RASSF4: variants seen among roughly 807,000 people sequenced by gnomAD.
RASSF4 encodes the protein ras association domain-containing protein 4.
Under a neutral mutation model 41.1 loss-of-function variants are expected in RASSF4, and 38 were observed. The observed-to-expected ratio is 0.92, with a 90% confidence interval of 0.71 to 1.21. The LOEUF is 1.21. Ranked by LOEUF, RASSF4 falls within the 50% of genes most tolerant of loss-of-function variation. RASSF4 has a pLI of 0.00. For missense variants in RASSF4, 414 were observed against 419.4 expected (o/e 0.99, Z 0.11); for synonymous variants, 179 against 163.4 (o/e 1.10, Z -0.73).
intron 9 of RASSF4, chr10:44,991,397 C>G (rs546109683): frequency 7.6e-4 from 184 of 240,908 alleles, no homozygotes; most frequent in African/African-American, 3.0e-3. Flanking sequence ...GGCTTTTTAA[C>G]TAGGCCCTAC....
At chr10:44,992,833 G>T (rs531529985) in intron 10 of RASSF4, among the ~76,000 whole-genome samples, 52 of 152,330 alleles carry the variant, frequency 3.4e-4, no homozygotes, top group African/African-American at 1.2e-3. Flanking sequence ...CTTCCATTCT[G>T]CAGTCAGTCC....
intron 1 of RASSF4, among the ~76,000 whole-genome samples, chr10:44,966,553 T>TA (rs1441287489): frequency 5.9e-5 from 9 of 152,164 alleles, no homozygotes; most frequent in Non-Finnish European, 1.3e-4. Context: ...CTGCTTCCTT[T>TA]ATGGGTTTCT....
chr10:44,991,006 A>T lies in RASSF4; in HGVS notation c.744A>T (p.Pro248=). ...TGATTTCCAGAATCCTGCATGGGCC[A>T]TGTGAGAAGATCGCCAGGATCTTCC... ...YPLISRILHG[P]CEKIARIFLM... The change falls in exon 9 of 11, where the codon CCA becomes CCT. Residue 248 remains proline, a synonymous_variant. Coordinates refer to ENST00000340258, the MANE Select transcript of RASSF4 (RefSeq NM_032023.4). 2 of 1,613,848 alleles carry T rather than the reference A, an allele frequency of 1.2e-6. No homozygotes were observed. Among genetic ancestry groups the T allele is most frequent in the Non-Finnish European group, 8.5e-7 (1 of 1,179,760 alleles).
Position 44,984,934 on chromosome 10 carries a change from C to A in RASSF4, c.495C>A (p.His165Gln). The part of the protein sequence containing the change: ...APGEAQRIRR[H>Q]RFSINGHFYN... ...GTGAGGCCCAGCGCATCCGGCGACACCGGTTCTCTATCAACGGCCACTTCT... is the reference window on the plus strand; with the variant it reads ...GTGAGGCCCAGCGCATCCGGCGACAACGGTTCTCTATCAACGGCCACTTCT... The change falls in exon 6 of 11, where the codon CAC becomes CAA. Residue 165 changes from histidine (H) to glutamine (Q), a missense_variant. By Grantham distance (24) the His-to-Gln change is conservative (BLOSUM62 0). Coordinates refer to ENST00000340258, the MANE Select transcript of RASSF4 (RefSeq NM_032023.4). 3 of 1,613,302 alleles carry A rather than the reference C, an allele frequency of 1.9e-6. No homozygotes were observed. The highest frequency in any genetic ancestry group is 2.2e-5 in the South Asian group (2 of 91,082).
At chr10:44,990,791 C>A in intron 8 of RASSF4, 157 bp from the exon 9 acceptor site, 1 of 635,300 alleles carries the variant, frequency 1.6e-6, no homozygotes, top group Non-Finnish European at 2.6e-6. Context: ...CTCCCTTCTG[C>A]ATGAGCAGGA....
At chr10:44,977,475 C>G in intron 3 of RASSF4, 1 of 1,612,782 alleles carries the variant, frequency 6.2e-7, no homozygotes, top group South Asian at 1.1e-5. Flanking sequence ...GAGGCCATGG[C>G]TTGGGCAGAC....
chr10:44,970,282 G>A lies in RASSF4; in HGVS notation c.62+18G>A. 1 of 1,610,182 alleles carries A rather than the reference G, an allele frequency of 6.2e-7. No homozygotes were observed. The highest frequency in any genetic ancestry group is 1.1e-5 in the South Asian group (1 of 90,998). ...ATTCAGAAGTAAGCCTTGGTGTGCA[G>A]GTTGGGCGGGGGAGTCTTCACATTT... On this transcript the variant is annotated intron_variant, in intron 2 of 10. Transcript: ENST00000340258.
intron 10 of RASSF4, among the ~76,000 whole-genome samples, chr10:44,992,222 C>T (rs1842140889): frequency 6.6e-6 from 1 of 152,238 alleles, no homozygotes; most frequent in African/African-American, 2.4e-5. Context: ...TGGGACACAG[C>T]CCCGATCACC....
intron 3 of RASSF4, chr10:44,982,181 A>G: frequency 5.9e-6 from 2 of 340,970 alleles, no homozygotes; most frequent in Non-Finnish European, 1.1e-5. Context: ...CCTGCTTGGC[A>G]TGAGCAGACA....
chr10:44,961,063 G>A (rs1840690218), intron 1 of RASSF4, among the ~76,000 whole-genome samples: 1 of 152,198 alleles, frequency 6.6e-6, no homozygotes, highest in Non-Finnish European at 1.5e-5. Context: ...GGGAAGAGGA[G>A]AGATGAAACT....
Position 44,970,432 on chromosome 10 carries a change from C to G in RASSF4, c.62+168C>G, listed in dbSNP as rs1410181476. The G allele has an allele frequency of 6.6e-6, 4 of 606,074 alleles. No homozygotes were observed. In the African/African-American group the frequency reaches 7.4e-5, roughly 11 times the overall value. 37.5% of individuals were successfully genotyped at this position (606,074 alleles called of 1,614,324 possible). A position where few individuals can be genotyped will look rare whatever the true frequency, so the allele number is the denominator to read the frequency against. The stretch of plus-strand genomic sequence containing the variant: ...TTTTTGAGCCTGTCCAATAGGGGAT[C>G]CCCAAGCTACACATGACCATGGCTG... On this transcript the variant is annotated intron_variant, in intron 2 of 10. Transcript: ENST00000340258.
At chr10:44,963,578 C>T (rs1840790999) in intron 1 of RASSF4, among the ~76,000 whole-genome samples, 1 of 152,206 alleles carries the variant, frequency 6.6e-6, no homozygotes, top group South Asian at 2.1e-4. Context: ...TGGCCTGCAC[C>T]TGCTCTGTGG....
rs561684738 is a variant in RASSF4, at chr10:44,993,401, G to T, written c.*72G>T. The stretch of plus-strand genomic sequence containing the variant: ...ACACTGAGCCCTGGTTGCTGGCCCC[G>T]GCCGGTCACATTGACTGATGGCCAC... On this transcript the variant is annotated 3_prime_UTR_variant, in exon 11 of 11. Coordinates refer to ENST00000340258, the MANE Select transcript of RASSF4 (RefSeq NM_032023.4). The T allele has an allele frequency of 7.8e-7, 1 of 1,281,040 alleles. No homozygotes were observed. Among genetic ancestry groups the T allele is most frequent in the Non-Finnish European group, 1.1e-6 (1 of 914,142 alleles). The allele number at this position is 1,281,040 out of a possible 1,614,324, so 79.4% of individuals were successfully genotyped here.
chr10:44,984,002 C>CTGCAGT lies in RASSF4; in HGVS notation c.282-17_282-12dup, dbSNP rs767305109. On this transcript the variant is annotated intron_variant, in intron 4 of 10. Transcript: ENST00000340258. Reference sequence around the variant, plus strand: ...TTCTCTGCCGGCAGCCATCTCAGCCCTGCAGTTGTCTGTTTTCAGAAAGGA... The same window carrying CTGCAGT: ...TTCTCTGCCGGCAGCCATCTCAGCCCTGCAGTTGCAGTTGTCTGTTTTCAGAAAGGA... 2 of 1,578,606 alleles carry CTGCAGT rather than the reference C, an allele frequency of 1.3e-6. No homozygotes were observed. Among genetic ancestry groups the CTGCAGT allele is most frequent in the Non-Finnish European group, 1.7e-6 (2 of 1,162,072 alleles).
rs551094819 is a variant in RASSF4 at position 44,994,834 on chromosome 10, A to G, written c.*1505A>G. On this transcript the variant is annotated 3_prime_UTR_variant, in exon 11 of 11. Coordinates refer to ENST00000340258, the MANE Select transcript of RASSF4 (RefSeq NM_032023.4). ...TGTGGCCATGTTTGGCAGAAGAGCC[A>G]CAACTCGCTGCTCTAGGAGCCGACA... The G allele has an allele frequency of 6.6e-6, 1 of 151,480 alleles. No individual in the cohort carries two copies. The highest frequency in any genetic ancestry group is 2.1e-4 in the South Asian group (1 of 4,808). The allele number at this position is 151,480 out of a possible 1,614,324, so 9.4% of individuals were successfully genotyped here. A position where few individuals can be genotyped will look rare whatever the true frequency, so the allele number is the denominator to read the frequency against.
intron 1 of RASSF4, among the ~76,000 whole-genome samples, chr10:44,969,346 G>T (rs554116247): frequency 2.7e-4 from 41 of 152,118 alleles, no homozygotes; most frequent in Admixed American, 1.7e-3. Context: ...TGGAAAGAGG[G>T]AATAGTATGT....
At chr10:44,982,725 C>G in intron 4 of RASSF4, 62 bp downstream of exon 4, 2 of 1,561,712 alleles carry the variant, frequency 1.3e-6, no homozygotes, top group Non-Finnish European at 1.7e-6. Flanking sequence ...GGGGATATCC[C>G]GAGCCTCAGG....
At chr10:44,960,637 C>T (rs1840675704) in intron 1 of RASSF4, among the ~76,000 whole-genome samples, 1 of 152,240 alleles carries the variant, frequency 6.6e-6, no homozygotes, top group Admixed American at 6.5e-5. Context: ...GGGAGGCCTC[C>T]TCTCACACCA....
intron 1 of RASSF4, among the ~76,000 whole-genome samples, chr10:44,967,874 G>A (rs1840967868): frequency 6.6e-6 from 1 of 152,190 alleles, no homozygotes; most frequent in African/African-American, 2.4e-5. Flanking sequence ...GGCAGAGAGG[G>A]GCTGCCCCAA....
Sources: gnomAD v4.1 joint callset for allele counts (sites outside exome capture counted in the v4.1 genomes callset) on GRCh38, gnomAD v4.1.1 for gene constraint, MANE v1.5 for transcripts, NCBI Gene and HGNC (gene_info 2026-07-23, HGNC 2026-07-21) for gene names.